The following CTNNA3 variants were observed in gnomAD, a reference collection of about 807,000 sequenced individuals.
The protein encoded by CTNNA3 is catenin alpha-3.
CTNNA3 carries 76 observed loss-of-function variants against 95.7 expected under a neutral mutation model. That is an observed-to-expected ratio of 0.79 (90% CI 0.66 to 0.96). The LOEUF is 0.96. Ranked by LOEUF, CTNNA3 falls within the 40% of genes least tolerant of loss-of-function variation. The pLI is 0.00. For missense variants in CTNNA3, 1,191 were observed against 1,089.8 expected, an observed-to-expected ratio of 1.09 and a Z score of -1.31; for synonymous variants, 431 against 374.4, an observed-to-expected ratio of 1.15 and a Z score of -1.74.
At chr10:66,353,751 G>A (rs935113647) in intron 12 of CTNNA3, among the ~76,000 whole-genome samples, 7 of 152,020 alleles carry the variant, frequency 4.6e-5, no homozygotes, top group African/African-American at 1.7e-4. Context: ...CAGGAAGGAG[G>A]AACTGGAGAT....
intron 5 of CTNNA3, among the ~76,000 whole-genome samples, chr10:67,512,692 A>G (rs1564705449): frequency 7.1e-6 from 1 of 141,460 alleles, no homozygotes; most frequent in South Asian, 2.2e-4. Context: ...TTTCTTCTTT[A>G]AAAAAAAAAA....
chr10:66,634,400 T>C (rs545869329), intron 9 of CTNNA3, among the ~76,000 whole-genome samples: 6 of 152,236 alleles, frequency 3.9e-5, no homozygotes, highest in African/African-American at 7.2e-5. Context: ...ACAAAAATGA[T>C]TGAGAATTCA....
rs528501447 is a variant in CTNNA3 at position 67,383,341 on chromosome 10, C to T, written c.579+138501G>A. ...AGCACCGTGAACAAGGCATTACATG[C>T]GTAATGCTATTTAATCTTCACAACA... On this transcript the variant is annotated intron_variant, in intron 5 of 17. Transcript: ENST00000433211. Among the ~76,000 whole-genome samples the T allele has an allele frequency of 1.8e-4, 28 of 152,222 alleles. 1 individual carries two copies. In the South Asian group the frequency reaches 3.3e-3, roughly 18 times the overall value.
At chr10:66,974,724 T>G (rs548693264) in intron 7 of CTNNA3, among the ~76,000 whole-genome samples, 9 of 152,312 alleles carry the variant, frequency 5.9e-5, no homozygotes, top group African/African-American at 1.9e-4. Context: ...CAGGAAGTTA[T>G]ATTCTCATTG....
chr10:66,533,619 G>C (rs564417854), intron 10 of CTNNA3, among the ~76,000 whole-genome samples: 1 of 152,120 alleles, frequency 6.6e-6, no homozygotes, highest in Non-Finnish European at 1.5e-5. Flanking sequence ...CCCAGGGTAC[G>C]TGGAAAGTGC....
intron 11 of CTNNA3, among the ~76,000 whole-genome samples, chr10:66,511,806 A>G (rs1316512359): frequency 6.6e-6 from 1 of 152,008 alleles, no homozygotes; most frequent in Non-Finnish European, 1.5e-5. Flanking sequence ...AGAATGTTCC[A>G]TCTGCTGATG....
intron 11 of CTNNA3, among the ~76,000 whole-genome samples, chr10:66,411,299 G>C (rs1253261677): frequency 6.6e-6 from 1 of 152,046 alleles, no homozygotes; most frequent in Non-Finnish European, 1.5e-5. Flanking sequence ...TTAGGACTAA[G>C]TTATCTAAAT....
intron 12 of CTNNA3, among the ~76,000 whole-genome samples, chr10:66,368,100 A>G (rs1264105130): frequency 3.1e-5 from 2 of 65,088 alleles, no homozygotes; most frequent in African/African-American, 6.3e-5. Flanking sequence ...GTTTGGGCAC[A>G]CTTTCAAGTC....
At chr10:66,174,229 A>G (rs1195099406) in intron 13 of CTNNA3, among the ~76,000 whole-genome samples, 1 of 152,162 alleles carries the variant, frequency 6.6e-6, no homozygotes, top group Non-Finnish European at 1.5e-5. Context: ...CTTATTTAGT[A>G]TAATACTATG....
chr10:67,203,891 T>C (rs1338989464), intron 6 of CTNNA3, among the ~76,000 whole-genome samples: 1 of 152,176 alleles, frequency 6.6e-6, no homozygotes. Flanking sequence ...ATTAATGAGC[T>C]TGGGCTGGAA....
At chr10:67,388,253 C>T (rs1192367999) in intron 5 of CTNNA3, among the ~76,000 whole-genome samples, 7 of 123,624 alleles carry the variant, frequency 5.7e-5, no homozygotes, top group Admixed American at 4.4e-4. Context: ...TCGAGAACTA[C>T]GTGAAGAATG....
chr10:67,553,960 C>T (rs2133235348), intron 3 of CTNNA3, among the ~76,000 whole-genome samples: 1 of 152,268 alleles, frequency 6.6e-6, no homozygotes, highest in African/African-American at 2.4e-5. Context: ...CACCCTGTGT[C>T]CAAGTGTTCC....
chr10:66,813,927 A>G (rs1160282678), intron 7 of CTNNA3, among the ~76,000 whole-genome samples: 2 of 152,066 alleles, frequency 1.3e-5, no homozygotes, highest in East Asian at 1.9e-4. Flanking sequence ...AACTCACACA[A>G]GAAGCTCTCA....
intron 2 of CTNNA3, among the ~76,000 whole-genome samples, chr10:67,632,639 C>T (rs1839182093): frequency 6.6e-6 from 1 of 152,184 alleles, no homozygotes; most frequent in South Asian, 2.1e-4. Context: ...GAGACCCCAC[C>T]TGGAAAACCA....
At chr10:66,983,946 C>T (rs186380808) in intron 7 of CTNNA3, among the ~76,000 whole-genome samples, 132 of 152,236 alleles carry the variant, frequency 8.7e-4, no homozygotes, top group African/African-American at 2.8e-3. Context: ...CTTAGAACAA[C>T]GGTAAATGGT....
chr10:66,234,114 A>T (rs1194968424), intron 13 of CTNNA3, among the ~76,000 whole-genome samples: 3 of 152,206 alleles, frequency 2.0e-5, no homozygotes, highest in Non-Finnish European at 4.4e-5. Flanking sequence ...TAGGCACACA[A>T]AGTATATTTC....
intron 10 of CTNNA3, among the ~76,000 whole-genome samples, chr10:66,593,513 T>G (rs1843618713): frequency 6.6e-6 from 1 of 152,102 alleles, no homozygotes; most frequent in East Asian, 1.9e-4. Flanking sequence ...ATATTTGCAT[T>G]TCTAAGTTTC....
intron 1 of CTNNA3, among the ~76,000 whole-genome samples, chr10:67,717,853 A>G (rs1841153501): frequency 6.6e-6 from 1 of 152,212 alleles, no homozygotes. Context: ...AATTCTATGA[A>G]GAAAGTCAGT....
At chr10:67,211,663 T>C (rs12265798) in intron 6 of CTNNA3, among the ~76,000 whole-genome samples, 3,581 of 152,232 alleles carry the variant, frequency 0.024, 143 homozygotes, top group African/African-American at 0.08. Context: ...ATTCATCCAA[T>C]AGCAAAGACA....
Sources: allele counts gnomAD v4.1 joint callset (sites outside exome capture counted in the v4.1 genomes callset), GRCh38; gene constraint gnomAD v4.1.1; transcripts MANE v1.5; gene names NCBI Gene and HGNC (gene_info 2026-07-23, HGNC 2026-07-21).